The following RSRC1 variants were observed in gnomAD, a reference collection of about 807,000 sequenced individuals.
RSRC1 encodes serine/Arginine-related protein 53.
RSRC1 carries 39 observed loss-of-function variants against 49.1 expected under a neutral mutation model. The ratio of observed to expected loss-of-function variants is 0.79; its 90% CI spans 0.61 to 1.04. RSRC1 has a LOEUF of 1.04. Among genes scored for constraint, RSRC1 ranks in the 50% least tolerant of loss-of-function variants. RSRC1 has a pLI of 0.00. For missense variants in RSRC1, 388 were observed against 402.4 expected (o/e 0.96, Z 0.31); for synonymous variants, 143 against 130.8 (o/e 1.09, Z -0.63).
At chr3:158,419,321 A>G (rs971784975) in intron 6 of RSRC1, among the ~76,000 whole-genome samples, 2 of 151,890 alleles carry the variant, frequency 1.3e-5, no homozygotes, top group African/African-American at 4.8e-5. Context: ...TCTCCATCAG[A>G]TGGAAAAACT....
chr3:158,432,861 C>CTA (rs746387928), intron 6 of RSRC1, among the ~76,000 whole-genome samples: 29 of 151,448 alleles, frequency 1.9e-4, no homozygotes, highest in African/African-American at 2.2e-4. Context: ...TCTAGAAATA[C>CTA]TATATATATA....
intron 4 of RSRC1, among the ~76,000 whole-genome samples, chr3:158,290,363 C>T (rs1461597475): frequency 6.6e-6 from 1 of 152,080 alleles, no homozygotes; most frequent in Non-Finnish European, 1.5e-5. Context: ...AGCTCCGCCT[C>T]CCAGGTTCAC....
intron 3 of RSRC1, among the ~76,000 whole-genome samples, chr3:158,134,428 G>A (rs184889965): frequency 7.2e-5 from 11 of 152,194 alleles, no homozygotes; most frequent in East Asian, 1.9e-4. Context: ...AACTTGTTGT[G>A]TAAATAGTAT....
At chr3:158,197,633 C>G (rs1578187710) in intron 3 of RSRC1, among the ~76,000 whole-genome samples, 1 of 152,082 alleles carries the variant, frequency 6.6e-6, no homozygotes, top group Non-Finnish European at 1.5e-5. Context: ...GCATTTAGTA[C>G]TATAAATTTC....
chr3:158,441,816 T>A (rs1184547388), intron 6 of RSRC1, among the ~76,000 whole-genome samples: 1 of 152,090 alleles, frequency 6.6e-6, no homozygotes, highest in East Asian at 1.9e-4. Flanking sequence ...AGTATTAAAC[T>A]AAACAACAAA....
At chr3:158,489,989 T>C (rs1560063294) in intron 7 of RSRC1, among the ~76,000 whole-genome samples, 2 of 152,204 alleles carry the variant, frequency 1.3e-5, no homozygotes, top group Admixed American at 6.5e-5. Flanking sequence ...AAGGGAGTTA[T>C]TGAATAAGTA....
At chr3:158,246,771 C>T (rs1381991341) in intron 4 of RSRC1, among the ~76,000 whole-genome samples, 1 of 152,140 alleles carries the variant, frequency 6.6e-6, no homozygotes, top group Non-Finnish European at 1.5e-5. Context: ...CATGGGCTTC[C>T]CTTTGTAGAT....
chr3:158,219,192 CTCTTTTTTGGGGAGTAAT>C (rs1225661475), intron 4 of RSRC1, among the ~76,000 whole-genome samples: 1 of 151,434 alleles, frequency 6.6e-6, no homozygotes, highest in Non-Finnish European at 1.5e-5. Context: ...ATTTTTATTC[CTCTTTTTTGGGGAGTAAT>C]TACCTTTTTA....
intron 3 of RSRC1, among the ~76,000 whole-genome samples, chr3:158,145,874 A>G (rs1158991647): frequency 6.6e-6 from 1 of 151,964 alleles, no homozygotes; most frequent in East Asian, 1.9e-4. Flanking sequence ...ATTCCTAGGT[A>G]TTTTATTCTC....
chr3:158,272,277 G>A (rs925781303), intron 4 of RSRC1, among the ~76,000 whole-genome samples: 1 of 152,062 alleles, frequency 6.6e-6, no homozygotes, highest in Non-Finnish European at 1.5e-5. Context: ...ACAGTGTAAT[G>A]TACCATTGAA....
rs1263503816 is a variant in RSRC1, at chr3:158,255,158, G to A, written c.495-42881G>A. On this transcript the variant is annotated intron_variant, in intron 4 of 9. Coordinates refer to ENST00000611884, the MANE Select transcript of RSRC1 (RefSeq NM_001271838.2). Reference sequence around the variant, plus strand: ...CTTGCCCATGCCTGTGTCCTTAATGGTATTCCCTCTGTTTTTTTCTAGGGT... The same window carrying A: ...CTTGCCCATGCCTGTGTCCTTAATGATATTCCCTCTGTTTTTTTCTAGGGT... Among the ~76,000 whole-genome samples the A allele has an allele frequency of 2.6e-5, 4 of 152,046 alleles. No homozygotes were observed. In the East Asian group the frequency reaches 7.7e-4, roughly 29 times the overall value.
chr3:158,316,607 G>A (rs1198252421), intron 5 of RSRC1, among the ~76,000 whole-genome samples: 2 of 151,832 alleles, frequency 1.3e-5, no homozygotes, highest in Admixed American at 6.6e-5. Flanking sequence ...ACCTCGCCCA[G>A]CTAATTTTTT....
intron 1 of RSRC1, among the ~76,000 whole-genome samples, chr3:158,117,902 T>C (rs920072127): frequency 1.3e-5 from 2 of 151,488 alleles, no homozygotes; most frequent in Non-Finnish European, 2.9e-5. Flanking sequence ...TCTTTCTTTC[T>C]TTCTTTCTTT....
rs527263461 is a variant in RSRC1, at chr3:158,122,367, T to G, written c.194+69T>G. 2.8e-5 allele frequency: 33 copies of G among 1,180,088 alleles called. No individual in the cohort carries two copies. The East Asian group carries it at 9.7e-4, about 35-fold the overall frequency. The allele number at this position is 1,180,088 out of a possible 1,614,324, so 73.1% of individuals were successfully genotyped here. A position where few individuals can be genotyped will look rare whatever the true frequency, so the allele number is the denominator to read the frequency against. On this transcript the variant is annotated intron_variant, in intron 2 of 9. Coordinates refer to ENST00000611884, the MANE Select transcript of RSRC1 (RefSeq NM_001271838.2). ...TCTTTAAAATTCATGTTTTTGTATT[T>G]TTAATTTTGCTAGATAAAACATTTT...
At chr3:158,406,892 C>G (rs958251818) in intron 6 of RSRC1, among the ~76,000 whole-genome samples, 1 of 152,046 alleles carries the variant, frequency 6.6e-6, no homozygotes. Context: ...TAGTCGGCTT[C>G]TGCTGTGTTG....
At chr3:158,294,906 CTG>C (rs1275030162) in intron 4 of RSRC1, among the ~76,000 whole-genome samples, 1 of 152,100 alleles carries the variant, frequency 6.6e-6, no homozygotes, top group Non-Finnish European at 1.5e-5. Flanking sequence ...GCTACTGACT[CTG>C]TACCCAAGCT....
At chr3:158,312,159 C>T (rs923927783) in intron 5 of RSRC1, among the ~76,000 whole-genome samples, 39 of 147,460 alleles carry the variant, frequency 2.6e-4, no homozygotes, top group African/African-American at 1.1e-3. Context: ...TCTAAAATAG[C>T]TTCTAACTTG....
At chr3:158,133,513 A>G (rs947534650) in intron 3 of RSRC1, among the ~76,000 whole-genome samples, 1 of 152,226 alleles carries the variant, frequency 6.6e-6, no homozygotes, top group East Asian at 1.9e-4. Context: ...TAAATTAGGA[A>G]TTTTAAAACC....
At chr3:158,460,255 T>C (rs1284341161) in intron 6 of RSRC1, among the ~76,000 whole-genome samples, 1 of 151,926 alleles carries the variant, frequency 6.6e-6, no homozygotes, top group Admixed American at 6.6e-5. Context: ...TGCTTTGGAA[T>C]AAATGATGTG....
Sources: allele counts gnomAD v4.1 joint callset (sites outside exome capture counted in the v4.1 genomes callset), GRCh38; gene constraint gnomAD v4.1.1; transcripts MANE v1.5; gene names NCBI Gene and HGNC (gene_info 2026-07-23, HGNC 2026-07-21).